Variants in ADGRV1 observed in about 807,000 individuals in gnomAD.
The protein encoded by ADGRV1 is adhesion G protein-coupled receptor V1, also known as G-protein coupled receptor 98.
A neutral mutation model predicts 596.2 loss-of-function variants in ADGRV1; 359 were observed. The ratio of observed to expected loss-of-function variants is 0.60; its 90% confidence interval spans 0.55 to 0.66. The LOEUF is 0.66. Ranked by LOEUF, ADGRV1 falls within the 30% of genes least tolerant of loss-of-function variation. ADGRV1 has a pLI of 0.00. For synonymous variants in ADGRV1, 2,681 were observed against 2,679.2 expected (o/e 1.00, Z -0.02); for missense variants, 7,274 against 7,575.6 (o/e 0.96, Z 1.48).
chr5:90,969,915 G>A (rs141871795), intron 84 of ADGRV1, among the ~76,000 whole-genome samples: 1,641 of 152,316 alleles, frequency 0.011, 34 homozygotes, highest in African/African-American at 0.038. Flanking sequence ...GTGAGCCGAA[G>A]CAGGGCGAGG....
chr5:90,776,101 T>C (rs1758198724), intron 60 of ADGRV1, among the ~76,000 whole-genome samples: 1 of 152,160 alleles, frequency 6.6e-6, no homozygotes, highest in Non-Finnish European at 1.5e-5. Flanking sequence ...CCAGTTGACA[T>C]AGCTATGTAG....
At chr5:90,944,806 G>A (rs1225773047) in intron 83 of ADGRV1, among the ~76,000 whole-genome samples, 1 of 152,132 alleles carries the variant, frequency 6.6e-6, no homozygotes, top group African/African-American at 2.4e-5. Flanking sequence ...GTACAGTGTT[G>A]CTGAAACTCC....
chr5:91,048,832 G>A (rs985004078), intron 85 of ADGRV1, among the ~76,000 whole-genome samples: 5 of 152,084 alleles, frequency 3.3e-5, no homozygotes, highest in Non-Finnish European at 5.9e-5. Context: ...TTTTTGTAAA[G>A]TGACTTAAAT....
chr5:90,799,299 C>T (rs1761096498), intron 70 of ADGRV1, among the ~76,000 whole-genome samples: 1 of 152,040 alleles, frequency 6.6e-6, no homozygotes, highest in Non-Finnish European at 1.5e-5. Flanking sequence ...AAACAGAGAG[C>T]CAGATCACGA....
At chr5:90,899,805 G>C (rs1489523751) in intron 83 of ADGRV1, among the ~76,000 whole-genome samples, 1 of 151,878 alleles carries the variant, frequency 6.6e-6, no homozygotes, top group Admixed American at 6.6e-5. Context: ...ACCTCAATCT[G>C]TTCTACCTCA....
chr5:90,968,713 T>A (rs1222388455), intron 84 of ADGRV1, among the ~76,000 whole-genome samples: 1 of 152,200 alleles, frequency 6.6e-6, no homozygotes, highest in Non-Finnish European at 1.5e-5. Flanking sequence ...TGAAATCTTT[T>A]TTTTTCTAAA....
At chr5:91,016,742 AT>A (rs917329940) in intron 85 of ADGRV1, among the ~76,000 whole-genome samples, 5 of 151,908 alleles carry the variant, frequency 3.3e-5, no homozygotes, top group Admixed American at 3.3e-4. Flanking sequence ...CATTTAGTTC[AT>A]TTTTTTGTTG....
chr5:90,997,957 G>T (rs1781553645), intron 85 of ADGRV1, among the ~76,000 whole-genome samples: 2 of 152,180 alleles, frequency 1.3e-5, no homozygotes. Flanking sequence ...CTATGAATGT[G>T]TGTCTCATAT....
intron 21 of ADGRV1, among the ~76,000 whole-genome samples, chr5:90,663,240 T>C (rs1770690073): frequency 7.2e-6 from 1 of 139,860 alleles, no homozygotes; most frequent in South Asian, 2.4e-4. Flanking sequence ...AGTGTAAAAG[T>C]GTTCCTGTTT....
intron 86 of ADGRV1, among the ~76,000 whole-genome samples, chr5:91,094,149 G>A (rs1790640864): frequency 6.6e-6 from 1 of 152,006 alleles, no homozygotes; most frequent in African/African-American, 2.4e-5. Context: ...ACTGCACCCA[G>A]CCATAATTTT....
At chr5:90,568,016 G>A (rs1755879080) in intron 1 of ADGRV1, among the ~76,000 whole-genome samples, 2 of 152,102 alleles carry the variant, frequency 1.3e-5, no homozygotes, top group South Asian at 4.1e-4. Context: ...GGGATTACAG[G>A]CATGAGCCAC....
At chr5:91,022,091 A>C (rs1462802124) in intron 85 of ADGRV1, among the ~76,000 whole-genome samples, 1 of 152,110 alleles carries the variant, frequency 6.6e-6, no homozygotes, top group Admixed American at 6.6e-5. Flanking sequence ...TTTGAAATTG[A>C]AAAAACACAG....
At chr5:91,044,679 A>C (rs192622017) in intron 85 of ADGRV1, among the ~76,000 whole-genome samples, 2 of 152,306 alleles carry the variant, frequency 1.3e-5, no homozygotes, top group African/African-American at 4.8e-5. Flanking sequence ...TATTTCAATA[A>C]TGTCAAACAA....
At chr5:91,021,807 G>A (rs1384314975) in intron 85 of ADGRV1, among the ~76,000 whole-genome samples, 1 of 152,062 alleles carries the variant, frequency 6.6e-6, no homozygotes, top group Non-Finnish European at 1.5e-5. Flanking sequence ...TTCAAAAGAA[G>A]AGTAGTGCCT....
chr5:91,097,684 T>A (rs1304336166), intron 86 of ADGRV1, among the ~76,000 whole-genome samples: 1 of 152,206 alleles, frequency 6.6e-6, no homozygotes, highest in Non-Finnish European at 1.5e-5. Context: ...ATTTTACATC[T>A]CTATCAGGCA....
intron 85 of ADGRV1, among the ~76,000 whole-genome samples, chr5:90,996,318 C>T (rs1781412504): frequency 6.6e-6 from 1 of 152,162 alleles, no homozygotes; most frequent in African/African-American, 2.4e-5. Flanking sequence ...CATCCCAGCC[C>T]TTCCAGCTCC....
chr5:91,066,163 G>A (rs927267402), intron 85 of ADGRV1, among the ~76,000 whole-genome samples: 9 of 152,280 alleles, frequency 5.9e-5, no homozygotes, highest in African/African-American at 1.9e-4. Flanking sequence ...ATAGCTGCAC[G>A]TTAATCAGCT....
intron 83 of ADGRV1, among the ~76,000 whole-genome samples, chr5:90,864,469 G>A (rs1459016761): frequency 1.3e-5 from 2 of 152,238 alleles, no homozygotes; most frequent in Middle Eastern, 3.4e-3. Context: ...AAAAGTAGAT[G>A]TACATATAAA....
chr5:90,728,845 A>G lies in ADGRV1; in HGVS notation c.10338A>G (p.Gln3446=). ...RWSGSGFINF[Q]EVPVSGTTEV... Reference sequence around the variant, plus strand: ...CTGGCAGTGGGTTTATTAACTTTCAAGAGGTGCCTGTCAGTGGGACAACAG... The same window carrying G: ...CTGGCAGTGGGTTTATTAACTTTCAGGAGGTGCCTGTCAGTGGGACAACAG... Residue 3446 remains glutamine, a synonymous_variant, in exon 49 of 90, where the codon CAA becomes CAG. Transcript: ENST00000405460. 1 of 1,613,832 alleles carries G rather than the reference A, an allele frequency of 6.2e-7. No individual in the cohort carries two copies. The highest frequency in any genetic ancestry group is 1.1e-5 in the South Asian group (1 of 91,078).
Sources: gnomAD v4.1 joint callset for allele counts (sites outside exome capture counted in the v4.1 genomes callset) on GRCh38, gnomAD v4.1.1 for gene constraint, MANE v1.5 for transcripts, NCBI Gene and HGNC (gene_info 2026-07-23, HGNC 2026-07-21) for gene names.